The following GPC6 variants were observed in gnomAD, a reference collection of about 807,000 sequenced individuals.
The protein encoded by GPC6 is glypican 6.
GPC6 carries 14 observed loss-of-function variants against 55.2 expected under a neutral mutation model. The observed-to-expected ratio is 0.25, with a 90% CI of 0.17 to 0.40. The LOEUF (loss-of-function observed/expected upper bound fraction) is 0.40. GPC6 is among the 10% of genes least tolerant of loss of function. The probability of loss-of-function intolerance (pLI) is 1.00; values close to 1 mark genes in which losing one functional copy is unlikely to be tolerated. For synonymous variants in GPC6, 278 were observed against 259.6 expected (o/e 1.07, Z -0.68); for missense variants, 641 against 708.5 (o/e 0.90, Z 1.08).
chr13:94,230,266 G>A (rs939024965), intron 4 of GPC6, among the ~76,000 whole-genome samples: 2 of 152,078 alleles, frequency 1.3e-5, no homozygotes, highest in Non-Finnish European at 2.9e-5. Flanking sequence ...TGAGAAAACT[G>A]GTGACTAGAA....
intron 1 of GPC6, among the ~76,000 whole-genome samples, chr13:93,479,392 G>A (rs1375069158): frequency 6.6e-6 from 1 of 152,172 alleles, no homozygotes; most frequent in African/African-American, 2.4e-5. Context: ...TATCCATAGG[G>A]AAAGCATAAA....
At chr13:93,363,706 C>G (rs972033347) in intron 1 of GPC6, among the ~76,000 whole-genome samples, 1 of 151,228 alleles carries the variant, frequency 6.6e-6, no homozygotes, top group African/African-American at 2.4e-5. Flanking sequence ...TGAGGAATCG[C>G]CACACTGACT....
intron 1 of GPC6, among the ~76,000 whole-genome samples, chr13:93,435,562 C>T (rs1877541170): frequency 6.6e-6 from 1 of 151,916 alleles, no homozygotes; most frequent in Non-Finnish European, 1.5e-5. Flanking sequence ...AGAGAAATTT[C>T]CTTTTACTAT....
intron 1 of GPC6, among the ~76,000 whole-genome samples, chr13:93,344,904 T>C (rs2139155951): frequency 6.6e-6 from 1 of 152,318 alleles, no homozygotes; most frequent in Non-Finnish European, 1.5e-5. Flanking sequence ...TGAAGACCCC[T>C]ACTTTTTTTT....
intron 6 of GPC6, among the ~76,000 whole-genome samples, chr13:94,316,762 C>A (rs1876561840): frequency 6.6e-6 from 1 of 151,712 alleles, no homozygotes; most frequent in Non-Finnish European, 1.5e-5. Context: ...TTACTACTGG[C>A]ATGTAGATGT....
At chr13:94,074,367 C>A (rs1029565535) in intron 4 of GPC6, among the ~76,000 whole-genome samples, 1 of 152,154 alleles carries the variant, frequency 6.6e-6, no homozygotes, top group South Asian at 2.1e-4. Context: ...ATGTTTTAAA[C>A]ATGACAATGA....
upstream of GPC6, among the ~76,000 whole-genome samples, chr13:93,224,912 C>T (rs191442834): frequency 6.6e-6 from 1 of 152,142 alleles, no homozygotes; most frequent in Non-Finnish European, 1.5e-5. Context: ...TTTAGTCATT[C>T]GTCTCATGTA....
At chr13:94,193,062 CGTGTGTGTGTGTGTGTGT>C (rs66612458) in intron 4 of GPC6, among the ~76,000 whole-genome samples, 2 of 148,598 alleles carry the variant, frequency 1.3e-5, no homozygotes, top group African/African-American at 5.0e-5. Context: ...TGAGACTCCT[CGTGTGTGTGTGTGTGTGT>C]GTGTGTGTGT....
upstream of GPC6, among the ~76,000 whole-genome samples, chr13:93,224,152 C>A (rs868565989): frequency 2.6e-5 from 4 of 151,480 alleles, no homozygotes; most frequent in African/African-American, 9.7e-5. Context: ...CCCGCCTCGG[C>A]CTCCCAAAGT....
rs73540366 is a variant in GPC6, at chr13:93,272,383, A to G, written c.160+44767A>G. Among the ~76,000 whole-genome samples the G allele has an allele frequency of 5.1e-3, 778 of 151,716 alleles. 5 individuals are homozygous for G. The highest frequency in any genetic ancestry group is 0.016 in the African/African-American group (678 of 41,466). On this transcript the variant is annotated intron_variant, in intron 1 of 8. Transcript: ENST00000377047. ...TCTAACTTGCCTTTTAAAAATTCCA[A>G]TGATAGTCACTTCATTTGAGAAATA...
intron 4 of GPC6, among the ~76,000 whole-genome samples, chr13:94,206,395 G>T (rs541329648): frequency 6.6e-6 from 1 of 152,208 alleles, no homozygotes; most frequent in South Asian, 2.1e-4. Context: ...AATAACGGGA[G>T]TCTCAGCAGC....
intron 1 of GPC6, among the ~76,000 whole-genome samples, chr13:93,493,907 T>C (rs1196639000): frequency 1.8e-5 from 2 of 111,036 alleles, no homozygotes; most frequent in Non-Finnish European, 3.9e-5. Flanking sequence ...ATAATTTCTG[T>C]TCTTTTACAT....
At chr13:93,678,499 G>A (rs1881729993) in intron 2 of GPC6, among the ~76,000 whole-genome samples, 2 of 152,148 alleles carry the variant, frequency 1.3e-5, no homozygotes, top group African/African-American at 4.8e-5. Context: ...AGTCTAAATA[G>A]CTGTCAACTG....
At chr13:93,937,663 C>T (rs1417197665) in intron 3 of GPC6, among the ~76,000 whole-genome samples, 2 of 152,160 alleles carry the variant, frequency 1.3e-5, no homozygotes, top group African/African-American at 2.4e-5. Flanking sequence ...ACTGCAACCT[C>T]TGCCTCCCGG....
At chr13:94,071,722 G>T (rs1010258332) in intron 4 of GPC6, among the ~76,000 whole-genome samples, 1 of 152,128 alleles carries the variant, frequency 6.6e-6, no homozygotes, top group South Asian at 2.1e-4. Flanking sequence ...AATACTTACA[G>T]AATTGTTTTT....
chr13:93,748,155 C>T (rs553140228), intron 2 of GPC6, among the ~76,000 whole-genome samples: 38 of 152,220 alleles, frequency 2.5e-4, no homozygotes, highest in Middle Eastern at 3.4e-3. Context: ...ATATTACCAA[C>T]GATACTATTC....
chr13:93,351,549 A>G (rs997451866), intron 1 of GPC6, among the ~76,000 whole-genome samples: 2 of 152,288 alleles, frequency 1.3e-5, no homozygotes, highest in African/African-American at 4.8e-5. Flanking sequence ...AGTTAATAAA[A>G]GCACATTACA....
In GPC6 at chr13:93,389,925, A is replaced by G. The variant is rs79609253; in HGVS notation, c.161-155338A>G. 9.5e-3 allele frequency among the ~76,000 whole-genome samples: 1,452 copies of G among 152,288 alleles called. 15 individuals are homozygous for G. The highest frequency in any genetic ancestry group is 0.033 in the African/African-American group (1,373 of 41,566). On this transcript the variant is annotated intron_variant, in intron 1 of 8. Coordinates refer to ENST00000377047, the MANE Select transcript of GPC6 (RefSeq NM_005708.5). ...TTCCTGGGTCACAGACTTTAAAGGA[A>G]TAGTGATTTTTGCTTGCTTTTACTA...
intron 6 of GPC6, among the ~76,000 whole-genome samples, chr13:94,371,550 G>A (rs922149934): frequency 1.4e-4 from 21 of 152,102 alleles, no homozygotes; most frequent in Non-Finnish European, 2.4e-4. Flanking sequence ...TTTTAGCACC[G>A]TCAGAGTTGT....
Sources: gnomAD v4.1 joint callset for allele counts (sites outside exome capture counted in the v4.1 genomes callset) on GRCh38, gnomAD v4.1.1 for gene constraint, MANE v1.5 for transcripts, NCBI Gene and HGNC (gene_info 2026-07-23, HGNC 2026-07-21) for gene names.